Variants in HIBADH observed in about 807,000 individuals in gnomAD.
HIBADH encodes 3-hydroxyisobutyrate dehydrogenase.
HIBADH carries 25 observed loss-of-function variants against 36.1 expected under a neutral mutation model. The observed-to-expected ratio is 0.69, with a 90% confidence interval of 0.50 to 0.97. The LOEUF (loss-of-function observed/expected upper bound fraction) is 0.97. Among genes scored for constraint, HIBADH ranks in the 50% least tolerant of loss-of-function variants. HIBADH has a pLI of 0.00. For missense variants in HIBADH, 421 were observed against 418.0 expected (o/e 1.01, Z -0.06); for synonymous variants, 160 against 149.5 (o/e 1.07, Z -0.51).
intron 1 of HIBADH, among the ~76,000 whole-genome samples, chr7:27,660,773 C>T (rs556365881): frequency 1.3e-5 from 2 of 152,220 alleles, no homozygotes; most frequent in East Asian, 3.9e-4. Context: ...CTGACAATTA[C>T]CTTTGGGCCA....
chr7:27,584,607 T>C (rs576097733), intron 4 of HIBADH, among the ~76,000 whole-genome samples: 48 of 152,194 alleles, frequency 3.2e-4, no homozygotes, highest in African/African-American at 1.1e-3. Context: ...GCAGATAGTA[T>C]AGCTGGCAAC....
intron 4 of HIBADH, among the ~76,000 whole-genome samples, chr7:27,582,236 C>T (rs550506930): frequency 1.3e-5 from 2 of 152,248 alleles, no homozygotes; most frequent in South Asian, 4.1e-4. Flanking sequence ...TTTTTCTTCA[C>T]TCATTTGGCA....
At chr7:27,617,744 A>AC (rs1307577157) in intron 4 of HIBADH, among the ~76,000 whole-genome samples, 7 of 152,162 alleles carry the variant, frequency 4.6e-5, no homozygotes, top group Admixed American at 3.9e-4. Context: ...TGCGATATGA[A>AC]CCACAAGAGA....
At chr7:27,658,039 G>T (rs1786338415) in intron 1 of HIBADH, among the ~76,000 whole-genome samples, 1 of 152,122 alleles carries the variant, frequency 6.6e-6, no homozygotes, top group South Asian at 2.1e-4. Context: ...GGTTACAAGA[G>T]CCAAAGAGAT....
At chr7:27,526,449 G>T in intron 7 of HIBADH, 77 bp from the exon 8 acceptor site, 1 of 1,196,596 alleles carries the variant, frequency 8.4e-7, no homozygotes, top group Non-Finnish European at 1.1e-6. Flanking sequence ...TTATGTTTTG[G>T]TTTGAAAGAA....
At chr7:27,646,271 A>G (rs1194420810) in intron 2 of HIBADH, among the ~76,000 whole-genome samples, 2 of 152,222 alleles carry the variant, frequency 1.3e-5, no homozygotes, top group African/African-American at 4.8e-5. Flanking sequence ...ATAGGTTAAC[A>G]GGTAGCTACA....
rs115883621 is a variant in HIBADH at position 27,538,033 on chromosome 7, G to A, written c.695+308C>T. On this transcript the variant is annotated intron_variant, in intron 6 of 7. Transcript: ENST00000265395. ...AAGTATGTTTAAATTTTACAGAAAAGTGTTTCTTGTATTTCAACATAATAG... is the reference window on the plus strand; with the variant it reads ...AAGTATGTTTAAATTTTACAGAAAAATGTTTCTTGTATTTCAACATAATAG... Among the ~76,000 whole-genome samples, 493 of 152,268 alleles carry A rather than the reference G, an allele frequency of 3.2e-3. 6 individuals carry two copies. The highest frequency in any genetic ancestry group is 0.011 in the African/African-American group (464 of 41,568).
At chr7:27,592,014 G>A (rs1701069817) in intron 4 of HIBADH, among the ~76,000 whole-genome samples, 1 of 152,238 alleles carries the variant, frequency 6.6e-6, no homozygotes, top group African/African-American at 2.4e-5. Context: ...CCATATTTAA[G>A]CAAAAACATT....
chr7:27,629,710 A>G (rs1785714044), intron 3 of HIBADH, among the ~76,000 whole-genome samples: 1 of 152,096 alleles, frequency 6.6e-6, no homozygotes, highest in South Asian at 2.1e-4. Context: ...AAAAGATCCA[A>G]AAAAAACCTA....
intron 5 of HIBADH, among the ~76,000 whole-genome samples, chr7:27,539,871 A>T (rs1442298826): frequency 6.6e-6 from 1 of 152,322 alleles, no homozygotes; most frequent in East Asian, 1.9e-4. Context: ...AAATGTTACT[A>T]AGGGAATCAT....
intron 1 of HIBADH, among the ~76,000 whole-genome samples, chr7:27,660,644 G>A (rs891857276): frequency 3.0e-4 from 45 of 149,970 alleles, no homozygotes; most frequent in African/African-American, 1.0e-3. Flanking sequence ...TAGCCTGGGC[G>A]ACAGACAAAG....
intron 4 of HIBADH, among the ~76,000 whole-genome samples, chr7:27,623,171 T>A (rs957623549): frequency 1.3e-5 from 2 of 152,100 alleles, no homozygotes; most frequent in African/African-American, 4.8e-5. Context: ...ATCATCTCAA[T>A]AGACACAGGA....
chr7:27,615,961 A>T (rs1357460947), intron 4 of HIBADH, among the ~76,000 whole-genome samples: 2 of 152,162 alleles, frequency 1.3e-5, no homozygotes, highest in Non-Finnish European at 2.9e-5. Flanking sequence ...ATGGACTACC[A>T]TTTAGTGTTG....
intron 4 of HIBADH, among the ~76,000 whole-genome samples, chr7:27,588,673 C>T (rs1250598810): frequency 6.6e-6 from 1 of 152,148 alleles, no homozygotes; most frequent in African/African-American, 2.4e-5. Flanking sequence ...CCATCTTATT[C>T]TCTGCTAAGA....
intron 1 of HIBADH, among the ~76,000 whole-genome samples, chr7:27,654,452 A>G (rs1356470470): frequency 1.3e-5 from 2 of 152,208 alleles, no homozygotes; most frequent in African/African-American, 4.8e-5. Flanking sequence ...CAAACGCACA[A>G]GAGCAGCCAC....
intron 4 of HIBADH, among the ~76,000 whole-genome samples, chr7:27,592,556 G>T (rs2128289170): frequency 6.6e-6 from 1 of 152,178 alleles, no homozygotes; most frequent in East Asian, 1.9e-4. Flanking sequence ...AGTTATTCTT[G>T]GTGAATGTTA....
At chr7:27,662,362 A>G (rs927760230) in intron 1 of HIBADH, among the ~76,000 whole-genome samples, 3 of 151,982 alleles carry the variant, frequency 2.0e-5, no homozygotes, top group Non-Finnish European at 1.5e-5. Context: ...GGCGCTCCAA[A>G]CGTCCTCGGA....
chr7:27,582,791 T>C (rs73686445), intron 4 of HIBADH, among the ~76,000 whole-genome samples: 1,883 of 152,204 alleles, frequency 0.012, 32 homozygotes, highest in African/African-American at 0.039. Flanking sequence ...GATTATTATA[T>C]GGATAAAAAG....
chr7:27,579,739 T>C (rs1236029660), intron 4 of HIBADH, among the ~76,000 whole-genome samples: 3 of 152,228 alleles, frequency 2.0e-5, no homozygotes, highest in Non-Finnish European at 4.4e-5. Flanking sequence ...ATGGTGTTTG[T>C]TCTGGGGTAT....
Sources: gnomAD v4.1 joint callset for allele counts (sites outside exome capture counted in the v4.1 genomes callset) on GRCh38, gnomAD v4.1.1 for gene constraint, MANE v1.5 for transcripts, NCBI Gene and HGNC (gene_info 2026-07-23, HGNC 2026-07-21) for gene names.